The following PCDH9 variants were observed in gnomAD, a reference collection of about 807,000 sequenced individuals.
PCDH9 encodes the protein protocadherin-9.
In PCDH9, 24 loss-of-function variants were observed where a neutral mutation model predicts 70.6. The ratio of observed to expected loss-of-function variants is 0.34; its 90% CI spans 0.25 to 0.48. The LOEUF is 0.48. Ranked by LOEUF, PCDH9 falls within the 20% of genes least tolerant of loss-of-function variation. The pLI is 0.99. For missense variants in PCDH9, 1,281 were observed against 1,503.6 expected (o/e 0.85, Z 2.45); for synonymous variants, 562 against 558.5 (o/e 1.01, Z -0.09).
chr13:66,365,336 G>T (rs928657364), intron 4 of PCDH9, among the ~76,000 whole-genome samples: 2 of 152,102 alleles, frequency 1.3e-5, no homozygotes, highest in African/African-American at 4.8e-5. Flanking sequence ...GAGTCATCTT[G>T]GTGTATTTTA....
At chr13:67,177,089 C>T (rs2088482427) in intron 2 of PCDH9, among the ~76,000 whole-genome samples, 3 of 152,068 alleles carry the variant, frequency 2.0e-5, no homozygotes, top group Admixed American at 2.0e-4. Flanking sequence ...CAGCCCATGG[C>T]AAGTATTCAA....
intron 3 of PCDH9, among the ~76,000 whole-genome samples, chr13:66,752,224 T>A (rs2079471313): frequency 6.6e-6 from 1 of 152,258 alleles, no homozygotes; most frequent in African/African-American, 2.4e-5. Context: ...GTTGGAAGAA[T>A]TAAGCAGTGT....
chr13:66,810,127 T>C (rs2080478183), intron 3 of PCDH9, among the ~76,000 whole-genome samples: 2 of 152,204 alleles, frequency 1.3e-5, no homozygotes. Flanking sequence ...GTGGACATAA[T>C]CCATTGAGCA....
chr13:66,437,276 G>A (rs560238751), intron 4 of PCDH9, among the ~76,000 whole-genome samples: 109 of 151,140 alleles, frequency 7.2e-4, no homozygotes, highest in Non-Finnish European at 1.3e-3. Context: ...GCGTGGTGGC[G>A]GGCGCCTGTA....
At chr13:66,462,674 T>C (rs550186699) in intron 4 of PCDH9, among the ~76,000 whole-genome samples, 1 of 151,926 alleles carries the variant, frequency 6.6e-6, no homozygotes, top group African/African-American at 2.4e-5. Flanking sequence ...GCAGAGTAGC[T>C]TGGGAAACGC....
intron 4 of PCDH9, among the ~76,000 whole-genome samples, chr13:66,575,842 T>C (rs59942054): frequency 0.033 from 5,007 of 152,170 alleles, 261 homozygotes; most frequent in African/African-American, 0.11. Flanking sequence ...TATGTTATTT[T>C]TTACCAGACA....
chr13:66,675,122 T>C (rs1441789333), intron 3 of PCDH9, among the ~76,000 whole-genome samples: 2 of 152,152 alleles, frequency 1.3e-5, no homozygotes, highest in Non-Finnish European at 2.9e-5. Flanking sequence ...AGATTCCTTA[T>C]CTGTAAAATA....
intron 3 of PCDH9, among the ~76,000 whole-genome samples, chr13:66,729,334 A>C (rs933710158): frequency 1.3e-5 from 2 of 152,116 alleles, no homozygotes; most frequent in African/African-American, 4.8e-5. Flanking sequence ...TTATTATTTT[A>C]CTACAGTTAG....
intron 2 of PCDH9, among the ~76,000 whole-genome samples, chr13:67,135,349 C>A (rs906752312): frequency 6.6e-6 from 1 of 152,010 alleles, no homozygotes; most frequent in African/African-American, 2.4e-5. Flanking sequence ...TGCCTCAAAG[C>A]CTAGCTTGGA....
rs143935250 is a variant in PCDH9 at position 66,932,266 on chromosome 13, C to T, written c.3037-28661G>A. ...TTAAAGTATATTCACTTAGCTTTCC[C>T]GTGTCTCAGTTTTTTCCTCCATAAA... is the stretch of plus-strand genomic sequence containing the variant. On this transcript the variant is annotated intron_variant, in intron 2 of 4. Coordinates refer to ENST00000377865, the MANE Select transcript of PCDH9 (RefSeq NM_203487.3). Among the ~76,000 whole-genome samples the T allele has an allele frequency of 1.2e-4, 18 of 152,132 alleles. 1 individual carries two copies. Among genetic ancestry groups the T allele is most frequent in the South Asian group, 4.1e-4 (2 of 4,824 alleles).
At chr13:67,217,421 T>A (rs1248570153) in intron 2 of PCDH9, 1 of 152,052 alleles carries the variant, frequency 6.6e-6, no homozygotes, top group African/African-American at 2.4e-5. Flanking sequence ...TTCTAATAGG[T>A]GAAAATATAG....
chr13:67,139,971 G>T (rs1014450059), intron 2 of PCDH9, among the ~76,000 whole-genome samples: 1 of 147,720 alleles, frequency 6.8e-6, no homozygotes, highest in Admixed American at 6.9e-5. Context: ...AACTTCATAG[G>T]ATAATTCCAT....
At chr13:67,139,306 A>G (rs780896279) in intron 2 of PCDH9, among the ~76,000 whole-genome samples, 9 of 152,216 alleles carry the variant, frequency 5.9e-5, no homozygotes, top group Non-Finnish European at 1.2e-4. Flanking sequence ...TGAATCTGTG[A>G]GCAGCCTTAT....
At chr13:66,687,034 A>T (rs1387300768) in intron 3 of PCDH9, among the ~76,000 whole-genome samples, 3 of 152,172 alleles carry the variant, frequency 2.0e-5, no homozygotes, top group Non-Finnish European at 4.4e-5. Context: ...GTAGGATCAG[A>T]TATAGTTTTG....
intron 2 of PCDH9, among the ~76,000 whole-genome samples, chr13:66,951,959 T>C (rs999317025): frequency 6.6e-6 from 1 of 152,174 alleles, no homozygotes; most frequent in Non-Finnish European, 1.5e-5. Flanking sequence ...TTGTAATTAT[T>C]TCTTTCATCT....
chr13:66,848,241 A>C (rs549498663), intron 3 of PCDH9, among the ~76,000 whole-genome samples: 2 of 152,330 alleles, frequency 1.3e-5, no homozygotes, highest in South Asian at 4.1e-4. Flanking sequence ...TAAGCTATAT[A>C]TATAATTATG....
chr13:66,896,873 C>T (rs148697897), intron 3 of PCDH9, among the ~76,000 whole-genome samples: 188 of 152,294 alleles, frequency 1.2e-3, no homozygotes, highest in African/African-American at 3.9e-3. Context: ...CTGGCCTTCA[C>T]GCAGGCTGTA....
intron 4 of PCDH9, among the ~76,000 whole-genome samples, chr13:66,579,017 T>C (rs7984900): frequency 0.47 from 70,901 of 151,854 alleles, 16,873 homozygotes; most frequent in Middle Eastern, 0.58. Context: ...GTTTTGTTGC[T>C]GTATGAGATA....
intron 4 of PCDH9, among the ~76,000 whole-genome samples, chr13:66,534,141 T>C (rs897964046): frequency 6.6e-6 from 1 of 152,128 alleles, no homozygotes; most frequent in African/African-American, 2.4e-5. Context: ...CACACTGATA[T>C]AACAATATAA....
Sources: allele counts gnomAD v4.1 joint callset (sites outside exome capture counted in the v4.1 genomes callset), GRCh38; gene constraint gnomAD v4.1.1; transcripts MANE v1.5; gene names NCBI Gene and HGNC (gene_info 2026-07-23, HGNC 2026-07-21).